The following CBX5 variants were observed in gnomAD, a reference collection of about 807,000 sequenced individuals.
The protein encoded by CBX5 is chromobox 5.
CBX5 carries 7 observed loss-of-function variants against 20.7 expected under a neutral mutation model. The ratio of observed to expected loss-of-function variants is 0.34; its 90% CI spans 0.19 to 0.63. The LOEUF (loss-of-function observed/expected upper bound fraction) is 0.63. CBX5 is among the 30% of genes least tolerant of loss of function. The pLI is 0.75. For missense variants in CBX5, 110 were observed against 224.1 expected (o/e 0.49, Z 3.25); for synonymous variants, 78 against 77.0 (o/e 1.01, Z -0.07).
rs1269823939 is a variant in CBX5, at chr12:54,231,708, T to C, written c.*10047A>G. ...AACCAGAGGGAAAAAAGGTCAAGGT[T>C]AGGTTCAGACTGCAGACACTAAGAG... On this transcript the variant is annotated 3_prime_UTR_variant, in exon 5 of 5. Coordinates refer to ENST00000209875, the MANE Select transcript of CBX5 (RefSeq NM_012117.3). 1 of 152,254 alleles carries C rather than the reference T, an allele frequency of 6.6e-6. No individual in the cohort carries two copies. Among genetic ancestry groups the C allele is most frequent in the Non-Finnish European group, 1.5e-5 (1 of 68,072 alleles). 9.4% of individuals were successfully genotyped at this position (152,254 alleles called of 1,614,324 possible).
In CBX5 at chr12:54,245,035, G is replaced by A. The variant is rs186647831; in HGVS notation, c.425+1080C>T. Among the ~76,000 whole-genome samples, 518 of 150,748 alleles carry A rather than the reference G, an allele frequency of 3.4e-3. 3 individuals are homozygous for A. Among genetic ancestry groups the A allele is most frequent in the Admixed American group, 6.1e-3 (92 of 15,104 alleles). ...ATTATTATTTTTTTTTTTTAGAGAC[G>A]GAGTCTTGCTCTGTCGTTCAGGCAG... is the stretch of plus-strand genomic sequence containing the variant. On this transcript the variant is annotated intron_variant, in intron 4 of 4. Transcript: ENST00000209875.
intron 1 of CBX5, among the ~76,000 whole-genome samples, chr12:54,277,695 C>T (rs1439122998): frequency 6.6e-6 from 1 of 152,152 alleles, no homozygotes; most frequent in African/African-American, 2.4e-5. Context: ...ATGATCAATT[C>T]TGTATCTAAG....
rs1943577259 is a variant in CBX5 at position 54,232,380 on chromosome 12, C to T, written c.*9375G>A. The T allele has an allele frequency of 6.6e-6, 1 of 152,214 alleles. No individual in the cohort carries two copies. Among genetic ancestry groups the T allele is most frequent in the Non-Finnish European group, 1.5e-5 (1 of 68,056 alleles). 9.4% of individuals were successfully genotyped at this position (152,214 alleles called of 1,614,324 possible). A position where few individuals can be genotyped will look rare whatever the true frequency, so the allele number is the denominator to read the frequency against. On this transcript the variant is annotated 3_prime_UTR_variant, in exon 5 of 5. Coordinates refer to ENST00000209875, the MANE Select transcript of CBX5 (RefSeq NM_012117.3). ...AGGCTTAAACTCTGGCTCAAGACAT[C>T]CTCCACAGAGGACCCTGAAGTATTC...
intron 2 of CBX5, among the ~76,000 whole-genome samples, chr12:54,256,179 G>A (rs926112531): frequency 6.6e-6 from 1 of 152,180 alleles, no homozygotes; most frequent in Non-Finnish European, 1.5e-5. Flanking sequence ...CAGTGGAAAT[G>A]GGCCCAATAA....
chr12:54,248,803 T>C (rs1041016304), intron 3 of CBX5, among the ~76,000 whole-genome samples: 27 of 152,282 alleles, frequency 1.8e-4, no homozygotes, highest in African/African-American at 6.5e-4. Flanking sequence ...TCAGGCATAA[T>C]GCAAACTAAC....
rs754793217 is a variant in CBX5, at chr12:54,246,135, A to G, written c.405T>C (p.Asp135=). 1 of 1,612,622 alleles carries G rather than the reference A, an allele frequency of 6.2e-7. No homozygotes were observed. The highest frequency in any genetic ancestry group is 1.3e-5 in the African/African-American group (1 of 74,910). Residue 135 remains aspartate (D), a synonymous_variant, in exon 4 of 5, where the codon GAT becomes GAC. Transcript: ENST00000209875. ...CTCACCATTTCATTAGGAACATTAAATCACCACAGGAATCTGTTGCCCCAA... is the reference window on the plus strand; with the variant it reads ...CTCACCATTTCATTAGGAACATTAAGTCACCACAGGAATCTGTTGCCCCAA... ...KIIGATDSCG[D]LMFLMKWKDT... is the part of the protein sequence containing the mutation.
intron 1 of CBX5, among the ~76,000 whole-genome samples, chr12:54,276,064 C>T (rs1031536211): frequency 2.7e-5 from 4 of 150,328 alleles, no homozygotes; most frequent in Non-Finnish European, 5.9e-5. Context: ...CCTCTTTAAG[C>T]ATTGTGAGAC....
intron 1 of CBX5, among the ~76,000 whole-genome samples, chr12:54,279,375 A>G (rs1477262026): frequency 6.6e-6 from 1 of 152,202 alleles, no homozygotes; most frequent in East Asian, 1.9e-4. Flanking sequence ...AAGTCGAGGA[A>G]TACAGGAGCA....
At chr12:54,242,916 G>C (rs1262743983) in intron 4 of CBX5, among the ~76,000 whole-genome samples, 1 of 152,036 alleles carries the variant, frequency 6.6e-6, no homozygotes, top group East Asian at 1.9e-4. Context: ...CTTGAGCCTA[G>C]GAGTTTGAGA....
chr12:54,268,468 G>GT (rs1943978244), intron 1 of CBX5, among the ~76,000 whole-genome samples: 1 of 152,190 alleles, frequency 6.6e-6, no homozygotes, highest in African/African-American at 2.4e-5. Context: ...AGCTCTTCAA[G>GT]TGAGTGTTTT....
At chr12:54,279,739 T>C (rs1396630619) in intron 1 of CBX5, among the ~76,000 whole-genome samples, 1 of 152,164 alleles carries the variant, frequency 6.6e-6, no homozygotes. Context: ...GTCTCCCACA[T>C]TCCGATGGCC....
chr12:54,277,922 C>G (rs1313892783), intron 1 of CBX5, among the ~76,000 whole-genome samples: 2 of 152,192 alleles, frequency 1.3e-5, no homozygotes, highest in African/African-American at 4.8e-5. Flanking sequence ...TCATCTCACA[C>G]TGCACCCTTG....
At chr12:54,248,423 C>T (rs377329149) in intron 3 of CBX5, among the ~76,000 whole-genome samples, 3 of 152,230 alleles carry the variant, frequency 2.0e-5, no homozygotes, top group Admixed American at 6.5e-5. Flanking sequence ...ATAATAAAAT[C>T]TCTTTGATCT....
intron 2 of CBX5, 151 bp from the exon 3 acceptor site, chr12:54,252,378 T>G (rs182388507): frequency 2.2e-6 from 1 of 444,530 alleles, no homozygotes; most frequent in Non-Finnish European, 3.8e-6. Flanking sequence ...ATCCTAGATT[T>G]CTACCCAGGA....
chr12:54,237,952 G>A lies in CBX5; in HGVS notation c.*3803C>T, dbSNP rs1943639778. The A allele has an allele frequency of 6.6e-6, 1 of 152,192 alleles. No homozygotes were observed. The highest frequency in any genetic ancestry group is 2.1e-4 in the South Asian group (1 of 4,822). 9.4% of individuals were successfully genotyped at this position (152,192 alleles called of 1,614,324 possible). On this transcript the variant is annotated 3_prime_UTR_variant, in exon 5 of 5. Coordinates refer to ENST00000209875, the MANE Select transcript of CBX5 (RefSeq NM_012117.3). ...CATGCCTGTAATTCCAGCACTTTGG[G>A]AGGCCAAGGTGGGCAGATCACAAGG...
chr12:54,236,285 G>A lies in CBX5; in HGVS notation c.*5470C>T, dbSNP rs1943621509. The A allele has an allele frequency of 6.6e-6, 1 of 151,978 alleles. No homozygotes were observed. Among genetic ancestry groups the A allele is most frequent in the Non-Finnish European group, 1.5e-5 (1 of 67,994 alleles). 9.4% of individuals were successfully genotyped at this position (151,978 alleles called of 1,614,324 possible). ...CTTGTAAGCACTTAAACTATTAATG[G>A]TCAGTTCATCATACACCAGTATGAA... On this transcript the variant is annotated 3_prime_UTR_variant, in exon 5 of 5. Transcript: ENST00000209875.
rs372428047 is a variant in CBX5 at position 54,254,645 on chromosome 12, G to A, written c.138-2418C>T. 3.3e-5 allele frequency among the ~76,000 whole-genome samples: 5 copies of A among 152,182 alleles called. No individual in the cohort carries two copies. In the East Asian group the frequency reaches 9.7e-4, roughly 29 times the overall value. ...AAGCAGGTGGATCACCTGAGGTCAG[G>A]AGGTCGAGACCATCCTGGCCAACAC... On this transcript the variant is annotated intron_variant, in intron 2 of 4. Coordinates refer to ENST00000209875, the MANE Select transcript of CBX5 (RefSeq NM_012117.3).
chr12:54,278,110 T>C (rs1456044849), intron 1 of CBX5, among the ~76,000 whole-genome samples: 1 of 152,146 alleles, frequency 6.6e-6, no homozygotes, highest in Non-Finnish European at 1.5e-5. Context: ...AAACAATCTG[T>C]CACAAATGGG....
intron 1 of CBX5, among the ~76,000 whole-genome samples, chr12:54,265,864 T>A (rs555563652): frequency 4.6e-5 from 7 of 151,970 alleles, no homozygotes; most frequent in Non-Finnish European, 1.0e-4. Flanking sequence ...GTGGCCAACA[T>A]GGTGAAACCC....
Sources: gnomAD v4.1 joint callset for allele counts (sites outside exome capture counted in the v4.1 genomes callset) on GRCh38, gnomAD v4.1.1 for gene constraint, MANE v1.5 for transcripts, NCBI Gene and HGNC (gene_info 2026-07-23, HGNC 2026-07-21) for gene names.